Variants in CADPS observed in about 807,000 individuals in gnomAD.
The protein encoded by CADPS is calcium dependent secretion activator.
Under a neutral mutation model 167.3 loss-of-function variants are expected in CADPS, and 57 were observed. The ratio of observed to expected loss-of-function variants is 0.34; its 90% CI spans 0.28 to 0.42. CADPS has a LOEUF of 0.42. CADPS is among the 20% of genes least tolerant of loss of function. The probability of loss-of-function intolerance (pLI) is 1.00; values close to 1 mark genes in which losing one functional copy is unlikely to be tolerated. For synonymous variants in CADPS, 676 were observed against 635.3 expected (o/e 1.06, Z -0.96); for missense variants, 1,414 against 1,738.1 (o/e 0.81, Z 3.32).
intron 6 of CADPS, among the ~76,000 whole-genome samples, chr3:62,606,885 C>T (rs1025757965): frequency 5.9e-5 from 9 of 152,190 alleles, no homozygotes; most frequent in East Asian, 1.9e-4. Context: ...CAGTGAGAAT[C>T]GAAGGCCAGC....
At chr3:62,748,755 TA>T (rs1379740603) in intron 3 of CADPS, among the ~76,000 whole-genome samples, 1 of 152,180 alleles carries the variant, frequency 6.6e-6, no homozygotes, top group Non-Finnish European at 1.5e-5. Context: ...TCACCCAGGC[TA>T]GGGTGCAGTG....
chr3:62,618,983 T>C (rs1828551), intron 6 of CADPS, among the ~76,000 whole-genome samples: 136,906 of 152,224 alleles, frequency 0.9, 62,445 homozygotes, highest in East Asian at 1. Context: ...TGGTCTAATA[T>C]AGGAAAAGGC....
At chr3:62,830,114 T>C (rs112358442) in intron 1 of CADPS, among the ~76,000 whole-genome samples, 16 of 152,272 alleles carry the variant, frequency 1.1e-4, no homozygotes, top group African/African-American at 3.9e-4. Flanking sequence ...TCACCTCATT[T>C]TGAAATTGTT....
intron 6 of CADPS, among the ~76,000 whole-genome samples, chr3:62,608,182 C>A (rs536296111): frequency 6.6e-6 from 1 of 152,056 alleles, no homozygotes. Flanking sequence ...AAGGCCTAGT[C>A]ACTCTTACTG....
Position 62,514,753 on chromosome 3 carries a change from C to G in CADPS, c.2581+1306G>C, listed in dbSNP as rs888821439. Among the ~76,000 whole-genome samples the G allele has an allele frequency of 6.6e-6, 1 of 152,178 alleles. No homozygotes were observed. Among genetic ancestry groups the G allele is most frequent in the Non-Finnish European group, 1.5e-5 (1 of 68,016 alleles). ...AACGTTTCTTGATCCCATCCCATCTCTGGACTTGCCTAGAATTGTTAGGTA... is the reference window on the plus strand; with the variant it reads ...AACGTTTCTTGATCCCATCCCATCTGTGGACTTGCCTAGAATTGTTAGGTA... On this transcript the variant is annotated intron_variant, in intron 16 of 29. Transcript: ENST00000383710. The surrounding 1 kb of genome is among the most constrained non-coding windows in gnomAD (Gnocchi z 4.2).
Position 62,545,936 on chromosome 3 carries a change from T to G in CADPS, c.1966+3967A>C, listed in dbSNP as rs146201245. Among the ~76,000 whole-genome samples, 145 of 152,298 alleles carry G rather than the reference T, an allele frequency of 9.5e-4. 1 individual carries two copies. Among genetic ancestry groups the G allele is most frequent in the African/African-American group, 3.2e-3 (134 of 41,578 alleles). ...TAGCTTCCTTTTGTCTTGTAAATAC[T>G]AATAAAGCGATTATAGAGTTAAGTC... On this transcript the variant is annotated intron_variant, in intron 11 of 29. Coordinates refer to ENST00000383710, the MANE Select transcript of CADPS (RefSeq NM_003716.4).
At chr3:62,703,084 T>C (rs1041846138) in intron 3 of CADPS, among the ~76,000 whole-genome samples, 2 of 152,126 alleles carry the variant, frequency 1.3e-5, no homozygotes, top group Non-Finnish European at 2.9e-5. Flanking sequence ...AAGCATCTTT[T>C]TACAGATATA....
intron 3 of CADPS, among the ~76,000 whole-genome samples, chr3:62,664,632 A>T (rs892566696): frequency 1.3e-5 from 2 of 152,280 alleles, no homozygotes; most frequent in African/African-American, 4.8e-5. Flanking sequence ...CAAATGAAAC[A>T]TTCAACTACT....
intron 3 of CADPS, among the ~76,000 whole-genome samples, chr3:62,705,689 T>C (rs913907680): frequency 2.0e-5 from 3 of 152,276 alleles, no homozygotes; most frequent in East Asian, 3.9e-4. Flanking sequence ...GGACCCTAAG[T>C]TCTTCAGCTT....
intron 28 of CADPS, among the ~76,000 whole-genome samples, chr3:62,409,601 T>C (rs921457093): frequency 2.6e-5 from 4 of 152,246 alleles, no homozygotes; most frequent in African/African-American, 9.6e-5. Flanking sequence ...TTGACTAGCA[T>C]TGACATAATT....
At chr3:62,784,343 T>A (rs1372954048) in intron 1 of CADPS, among the ~76,000 whole-genome samples, 1 of 152,172 alleles carries the variant, frequency 6.6e-6, no homozygotes, top group African/African-American at 2.4e-5. Context: ...TTGTGTGTGT[T>A]TGTGCATACC....
intron 2 of CADPS, among the ~76,000 whole-genome samples, chr3:62,765,129 G>C (rs547913083): frequency 6.6e-6 from 1 of 152,270 alleles, no homozygotes; most frequent in Non-Finnish European, 1.5e-5. Flanking sequence ...TGCATATGAG[G>C]AAAGCATTGC....
chr3:62,594,754 A>C (rs1368920372), intron 6 of CADPS, among the ~76,000 whole-genome samples: 2 of 152,064 alleles, frequency 1.3e-5, no homozygotes, highest in Non-Finnish European at 2.9e-5. Context: ...CATCAACAAA[A>C]ATTTAGAGAT....
In CADPS at chr3:62,602,755, C is replaced by T. The variant is rs2060157943; in HGVS notation, c.1326-10007G>A. Among the ~76,000 whole-genome samples the T allele has an allele frequency of 6.6e-6, 1 of 152,122 alleles. No individual in the cohort carries two copies. Among genetic ancestry groups the T allele is most frequent in the Non-Finnish European group, 1.5e-5 (1 of 68,020 alleles). ...TGCCTCCTTGACATTTCCACTGGAA[C>T]GTCTCCTCTCCAGGAGTCTGAGATC... On this transcript the variant is annotated intron_variant, in intron 6 of 29. Coordinates refer to ENST00000383710, the MANE Select transcript of CADPS (RefSeq NM_003716.4). This position sits in a 1 kb window ranked among gnomAD's most constrained non-coding sequence, Gnocchi z 4.4.
chr3:62,541,564 T>C (rs2075703429), intron 11 of CADPS, among the ~76,000 whole-genome samples: 1 of 152,170 alleles, frequency 6.6e-6, no homozygotes, highest in Non-Finnish European at 1.5e-5. Flanking sequence ...CGGAAACTAG[T>C]CTAAACCTTG....
intron 1 of CADPS, among the ~76,000 whole-genome samples, chr3:62,807,883 C>CT (rs931237787): frequency 5.5e-5 from 8 of 146,402 alleles, no homozygotes; most frequent in African/African-American, 1.1e-4. Flanking sequence ...TTCTTTCTTT[C>CT]TTTTTTTTGA....
At chr3:62,545,967 A>C (rs1484413767) in intron 11 of CADPS, among the ~76,000 whole-genome samples, 4 of 152,134 alleles carry the variant, frequency 2.6e-5, no homozygotes, top group Admixed American at 2.6e-4. Flanking sequence ...AAGTCACTGA[A>C]AGATTGTTGT....
intron 1 of CADPS, among the ~76,000 whole-genome samples, chr3:62,796,685 A>C (rs1389176204): frequency 6.6e-6 from 1 of 152,166 alleles, no homozygotes; most frequent in Non-Finnish European, 1.5e-5. Context: ...CTCTGATTGG[A>C]AACCATTTCT....
intron 3 of CADPS, among the ~76,000 whole-genome samples, chr3:62,723,205 A>G (rs2076131146): frequency 6.6e-6 from 1 of 152,178 alleles, no homozygotes; most frequent in Non-Finnish European, 1.5e-5. Flanking sequence ...TAAGATGAAA[A>G]ACATTCTTAA....
Sources: allele counts gnomAD v4.1 joint callset (sites outside exome capture counted in the v4.1 genomes callset), GRCh38; gene constraint gnomAD v4.1.1; non-coding constraint Gnocchi (gnomAD v3.1); transcripts MANE v1.5; gene names NCBI Gene and HGNC (gene_info 2026-07-23, HGNC 2026-07-21).